PRLR: variants seen among roughly 807,000 people sequenced by gnomAD.
The protein encoded by PRLR is hPRL receptor.
Under a neutral mutation model 40.2 loss-of-function variants are expected in PRLR, and 13 were observed. The ratio of observed to expected loss-of-function variants is 0.32; its 90% CI spans 0.21 to 0.51. The LOEUF (loss-of-function observed/expected upper bound fraction) is 0.51. Ranked by LOEUF, PRLR falls within the 20% of genes least tolerant of loss-of-function variation. PRLR has a pLI of 0.97. For synonymous variants in PRLR, 269 were observed against 278.7 expected (o/e 0.97, Z 0.35); for missense variants, 656 against 747.3 (o/e 0.88, Z 1.42).
chr5:35,155,287 GT>G (rs1048777642), intron 1 of PRLR, among the ~76,000 whole-genome samples: 1 of 152,134 alleles, frequency 6.6e-6, no homozygotes, highest in African/African-American at 2.4e-5. Flanking sequence ...ACACTCTCTT[GT>G]CTGATTCATG....
chr5:35,189,309 G>A lies in PRLR; in HGVS notation c.-106+40959C>T, dbSNP rs1775535766. On this transcript the variant is annotated intron_variant, in intron 1 of 9. Coordinates refer to ENST00000618457, the MANE Select transcript of PRLR (RefSeq NM_000949.7). ...CTTCAGAAGGGTGCTGGTCAGGCAT[G>A]GTGGCTTACACCTGTGATCCCAGCA... Among the ~76,000 whole-genome samples, 3 of 152,140 alleles carry A rather than the reference G, an allele frequency of 2.0e-5. No homozygotes were observed. The South Asian group carries it at 6.2e-4, about 32-fold the overall frequency.
At chr5:35,086,382 T>A (rs1237187087) in intron 3 of PRLR, 42 bp from the exon 4 acceptor site, 1 of 1,607,140 alleles carries the variant, frequency 6.2e-7, no homozygotes, top group African/African-American at 1.3e-5. Flanking sequence ...TTGAGGTCCA[T>A]TTAACCATTT....
intron 1 of PRLR, among the ~76,000 whole-genome samples, chr5:35,121,825 A>G (rs1773302663): frequency 6.6e-6 from 1 of 152,192 alleles, no homozygotes; most frequent in African/African-American, 2.4e-5. Context: ...CTGTGCTCCA[A>G]CCACAATTCC....
At chr5:35,214,758 A>C (rs573459978) in intron 1 of PRLR, among the ~76,000 whole-genome samples, 1 of 152,186 alleles carries the variant, frequency 6.6e-6, no homozygotes, top group East Asian at 1.9e-4. Flanking sequence ...GCTCATTCCT[A>C]TACATAGGCC....
At chr5:35,092,295 G>C (rs1169166830) in intron 2 of PRLR, among the ~76,000 whole-genome samples, 1 of 152,158 alleles carries the variant, frequency 6.6e-6, no homozygotes, top group African/African-American at 2.4e-5. Flanking sequence ...CATACTCACA[G>C]TGGTGTCACG....
intron 4 of PRLR, among the ~76,000 whole-genome samples, chr5:35,084,863 C>G (rs1261020734): frequency 6.6e-6 from 1 of 152,090 alleles, no homozygotes; most frequent in African/African-American, 2.4e-5. Flanking sequence ...AAGTATTCTT[C>G]TTCCATCAAC....
intron 1 of PRLR, among the ~76,000 whole-genome samples, chr5:35,131,043 G>A (rs973875009): frequency 2.0e-5 from 3 of 152,092 alleles, no homozygotes; most frequent in African/African-American, 2.4e-5. Flanking sequence ...TAGAAGTGTC[G>A]GAAAATACAT....
intron 1 of PRLR, among the ~76,000 whole-genome samples, chr5:35,180,726 C>T (rs1245055136): frequency 7.1e-6 from 1 of 141,640 alleles, no homozygotes; most frequent in Non-Finnish European, 1.6e-5. Context: ...CTAATGCTAT[C>T]CCTCCCCACT....
Position 35,086,834 on chromosome 5 carries a change from A to G in PRLR, c.71-494T>C, listed in dbSNP as rs1426500509. ...AAACACCGCTCTATGGCACTTCTCC[A>G]CTCAGCTCACCAATCTCCATCTTTC... On this transcript the variant is annotated intron_variant, in intron 3 of 9. Transcript: ENST00000618457. Among the ~76,000 whole-genome samples the G allele has an allele frequency of 2.6e-5, 4 of 151,956 alleles. 1 individual carries two copies. The highest frequency in any genetic ancestry group is 4.4e-5 in the Non-Finnish European group (3 of 67,968).
chr5:35,230,096 C>T (rs1175049053), intron 1 of PRLR, among the ~76,000 whole-genome samples, 172 bp downstream of exon 1: 1 of 152,138 alleles, frequency 6.6e-6, no homozygotes, highest in Non-Finnish European at 1.5e-5. Context: ...CGGGCTTCCC[C>T]GCCGGCTGCC....
chr5:35,220,498 TCC>T (rs1776388305), intron 1 of PRLR, among the ~76,000 whole-genome samples: 1 of 152,214 alleles, frequency 6.6e-6, no homozygotes, highest in African/African-American at 2.4e-5. Flanking sequence ...CAAACTCTAT[TCC>T]CTTCAGTTCA....
downstream of PRLR, among the ~76,000 whole-genome samples, chr5:35,054,025 T>C (rs936977307): frequency 5.9e-5 from 9 of 152,174 alleles, no homozygotes; most frequent in African/African-American, 2.2e-4. Context: ...ATGACAAAGA[T>C]GGCATAAAAG....
chr5:35,102,428 CCTTTT>C (rs369284889), intron 2 of PRLR, among the ~76,000 whole-genome samples: 195 of 151,768 alleles, frequency 1.3e-3, no homozygotes, highest in African/African-American at 4.4e-3. Context: ...CTTTCTTTTT[CCTTTT>C]CTTTTCTTTG....
chr5:35,083,448 CTGTGTGTGTG>C (rs144426701), intron 5 of PRLR, among the ~76,000 whole-genome samples: 9 of 144,356 alleles, frequency 6.2e-5, no homozygotes, highest in Admixed American at 2.1e-4. Flanking sequence ...TCCTCTCTCT[CTGTGTGTGTG>C]TGTGTGTGTG....
At chr5:35,133,153 C>T (rs1210918385) in intron 1 of PRLR, among the ~76,000 whole-genome samples, 3 of 152,178 alleles carry the variant, frequency 2.0e-5, no homozygotes, top group Admixed American at 2.0e-4. Flanking sequence ...CAGGCTTTGG[C>T]CGTGGAGTGG....
chr5:35,112,020 C>T (rs1030182025), intron 2 of PRLR, among the ~76,000 whole-genome samples: 1 of 152,174 alleles, frequency 6.6e-6, no homozygotes, highest in Non-Finnish European at 1.5e-5. Context: ...GGAAAAGCTC[C>T]CCTCTAGGTT....
At position 35,072,561 on chromosome 5, in the gene PRLR, T is replaced by C. The variant is rs768765613; in HGVS notation, c.543+14A>G. 3.7e-6 allele frequency: 6 copies of C among 1,611,564 alleles called. No individual in the cohort carries two copies. The highest frequency in any genetic ancestry group is 5.1e-6 in the Non-Finnish European group (6 of 1,178,752). On this transcript the variant is annotated intron_variant, in intron 6 of 9. Coordinates refer to ENST00000618457, the MANE Select transcript of PRLR (RefSeq NM_000949.7). ...AAGGCCATAGTTCCTTCAAAAAGCA[T>C]ATGGATCACTCACCTCCCACTCAGC...
chr5:35,143,873 C>T (rs1774095782), intron 1 of PRLR, among the ~76,000 whole-genome samples: 1 of 151,590 alleles, frequency 6.6e-6, no homozygotes, highest in South Asian at 2.1e-4. Context: ...AATCAATGGG[C>T]CTTAGAATAA....
chr5:35,142,344 C>T (rs963143760), intron 1 of PRLR, among the ~76,000 whole-genome samples: 2 of 151,874 alleles, frequency 1.3e-5, no homozygotes, highest in Non-Finnish European at 2.9e-5. Context: ...AATCACCTGG[C>T]GATTTTAGAT....
Sources: gnomAD v4.1 joint callset for allele counts (sites outside exome capture counted in the v4.1 genomes callset) on GRCh38, gnomAD v4.1.1 for gene constraint, MANE v1.5 for transcripts, NCBI Gene and HGNC (gene_info 2026-07-23, HGNC 2026-07-21) for gene names.